SH3RF2: variants seen among roughly 807,000 people sequenced by gnomAD.
SH3RF2 encodes SH3 domain containing ring finger 2.
SH3RF2 carries 43 observed loss-of-function variants against 59.0 expected under a neutral mutation model. The ratio of observed to expected loss-of-function variants is 0.73; its 90% CI spans 0.57 to 0.94. The LOEUF is 0.94. Ranked by LOEUF, SH3RF2 falls within the 40% of genes least tolerant of loss-of-function variation. The pLI is 0.00. For missense variants in SH3RF2, 930 were observed against 940.1 expected (o/e 0.99, Z 0.14); for synonymous variants, 391 against 391.5 (o/e 1.00, Z 0.01).
chr5:146,070,321 G>C, intron 9 of SH3RF2, among the ~76,000 whole-genome samples: 1 of 152,172 alleles, frequency 6.6e-6, no homozygotes, highest in East Asian at 1.9e-4. Context: ...TGGAGATGGA[G>C]GAGGGTTTGT....
chr5:146,002,388 T>A (rs189725484), intron 3 of SH3RF2, among the ~76,000 whole-genome samples: 1 of 150,832 alleles, frequency 6.6e-6, no homozygotes, highest in Non-Finnish European at 1.5e-5. Context: ...GAGGCGGAGG[T>A]TGCAGTGAGC....
Position 146,062,860 on chromosome 5 carries a change from T to C in SH3RF2, c.*159T>C, listed in dbSNP as rs1762953153. 7.3e-6 allele frequency: 7 copies of C among 954,986 alleles called. No homozygotes were observed. The highest frequency in any genetic ancestry group is 1.1e-5 in the Non-Finnish European group (7 of 660,912). The allele number at this position is 954,986 out of a possible 1,614,324, so 59.2% of individuals were successfully genotyped here. On this transcript the variant is annotated 3_prime_UTR_variant, in exon 10 of 10. Coordinates refer to ENST00000359120, the MANE Select transcript of SH3RF2 (RefSeq NM_152550.4). ...AAGCAAAAGTGGGAGCAGAAATTCC[T>C]GCCCTGGGTGGGAGGATAGATGGCG...
chr5:146,011,654 A>G (rs996457550), intron 4 of SH3RF2, among the ~76,000 whole-genome samples: 33 of 152,026 alleles, frequency 2.2e-4, no homozygotes, highest in Non-Finnish European at 4.1e-4. Flanking sequence ...TGTGAATGGG[A>G]GTTCGCTCAT....
chr5:145,952,929 G>C (rs574953584), intron 2 of SH3RF2, among the ~76,000 whole-genome samples: 155 of 152,248 alleles, frequency 1.0e-3, no homozygotes, highest in African/African-American at 3.6e-3. Context: ...AGAGATCTGG[G>C]TTATTTATAC....
chr5:146,049,159 G>C lies in SH3RF2; in HGVS notation c.1236G>C (p.Lys412Asn), dbSNP rs548403479. The stretch of plus-strand genomic sequence containing the variant: ...GAGAAGGCGTCAGGGTCCTGGGGAA[G>C]TGCCAGGACGGCTGGCTCAGGGGCG... ...QKGEGVRVLG[K>N]CQDGWLRGVS... The change falls in exon 7 of 10, where the codon AAG becomes AAC. Residue 412 changes from lysine to asparagine, a missense_variant. Lys to Asn is a moderately conservative substitution (Grantham distance 94). Coordinates refer to ENST00000359120, the MANE Select transcript of SH3RF2 (RefSeq NM_152550.4). 6.2e-7 allele frequency: 1 copy of C among 1,614,174 alleles called. No homozygotes were observed. Among genetic ancestry groups the C allele is most frequent in the Admixed American group, 1.7e-5 (1 of 60,022 alleles).
At chr5:146,050,618 C>T (rs1260841726) in intron 7 of SH3RF2, among the ~76,000 whole-genome samples, 1 of 152,186 alleles carries the variant, frequency 6.6e-6, no homozygotes, top group African/African-American at 2.4e-5. Flanking sequence ...ATATTGAGTG[C>T]TAACTACATG....
intron 7 of SH3RF2, among the ~76,000 whole-genome samples, chr5:146,051,819 G>A (rs959732785): frequency 6.6e-6 from 1 of 152,296 alleles, no homozygotes; most frequent in Non-Finnish European, 1.5e-5. Context: ...GCCCTGAAAC[G>A]AGATGAGATC....
At chr5:146,055,320 T>C (rs1245746770) in intron 7 of SH3RF2, among the ~76,000 whole-genome samples, 2 of 152,192 alleles carry the variant, frequency 1.3e-5, no homozygotes, top group Non-Finnish European at 2.9e-5. Context: ...AGTCTTTGTG[T>C]TTTTTTATTT....
chr5:146,064,717 A>AGGAAGGAAG (rs1763026889), downstream of SH3RF2, among the ~76,000 whole-genome samples: 1 of 28,232 alleles, frequency 3.5e-5, no homozygotes, highest in African/African-American at 1.3e-4. Flanking sequence ...AAAGAAAGAA[A>AGGAAGGAAG]GAAAGAAAGA....
At chr5:146,068,973 C>T (rs1487798600) in intron 9 of SH3RF2, among the ~76,000 whole-genome samples, 1 of 152,074 alleles carries the variant, frequency 6.6e-6, no homozygotes, top group East Asian at 1.9e-4. Context: ...CTCTCCCAGT[C>T]CCATTTCTTT....
At chr5:146,074,893 T>A (rs1763312311) in intron 9 of SH3RF2, among the ~76,000 whole-genome samples, 2 of 152,212 alleles carry the variant, frequency 1.3e-5, no homozygotes, top group Admixed American at 1.3e-4. Flanking sequence ...ACCTAAAGTG[T>A]GACTTGCTGT....
At chr5:146,000,491 G>A (rs921007591) in intron 3 of SH3RF2, among the ~76,000 whole-genome samples, 164 bp downstream of exon 3, 10 of 151,792 alleles carry the variant, frequency 6.6e-5, no homozygotes, top group South Asian at 2.1e-4. Context: ...CATAAATTAC[G>A]TATGTATATA....
intron 2 of SH3RF2, among the ~76,000 whole-genome samples, 168 bp from the exon 3 acceptor site, chr5:145,999,890 C>T (rs555633202): frequency 2.6e-5 from 4 of 152,278 alleles, no homozygotes; most frequent in South Asian, 2.1e-4. Flanking sequence ...GGAAGAATGG[C>T]GCTGATAGAC....
intron 4 of SH3RF2, among the ~76,000 whole-genome samples, chr5:146,008,133 T>C (rs1381650648): frequency 6.6e-6 from 1 of 152,266 alleles, no homozygotes; most frequent in African/African-American, 2.4e-5. Flanking sequence ...TGCTCATTCT[T>C]ATCAGGACTC....
At chr5:145,988,317 C>T (rs949012555) in intron 2 of SH3RF2, among the ~76,000 whole-genome samples, 3 of 151,384 alleles carry the variant, frequency 2.0e-5, no homozygotes, top group South Asian at 2.1e-4. Context: ...TAGACTATCT[C>T]GTGTGACCCA....
chr5:146,055,601 A>T (rs1053649945), intron 7 of SH3RF2, among the ~76,000 whole-genome samples: 1 of 152,238 alleles, frequency 6.6e-6, no homozygotes, highest in African/African-American at 2.4e-5. Flanking sequence ...TGACTCAACA[A>T]GAAATTGCCA....
intron 9 of SH3RF2, among the ~76,000 whole-genome samples, chr5:146,061,263 G>A (rs199644165): frequency 9.2e-5 from 14 of 152,240 alleles, no homozygotes; most frequent in South Asian, 4.1e-4. Context: ...ACCCAAGACC[G>A]CACAGTTGAC....
chr5:145,968,310 G>C (rs1758944120), intron 2 of SH3RF2, among the ~76,000 whole-genome samples: 1 of 152,084 alleles, frequency 6.6e-6, no homozygotes, highest in African/African-American at 2.4e-5. Context: ...CTCATGAATA[G>C]AGACTTAATT....
At chr5:146,008,461 C>T (rs1339119991) in intron 4 of SH3RF2, among the ~76,000 whole-genome samples, 1 of 151,996 alleles carries the variant, frequency 6.6e-6, no homozygotes, top group African/African-American at 2.4e-5. Flanking sequence ...TGTATATTGC[C>T]CTTTTACTGG....
Sources: gnomAD v4.1 joint callset for allele counts (sites outside exome capture counted in the v4.1 genomes callset) on GRCh38, gnomAD v4.1.1 for gene constraint, MANE v1.5 for transcripts, NCBI Gene and HGNC (gene_info 2026-07-23, HGNC 2026-07-21) for gene names.